The following SP100 variants were observed in gnomAD, a reference collection of about 807,000 sequenced individuals.
SP100 encodes the protein SP100 nuclear body protein, also known as nuclear autoantigen Sp-100.
Under a neutral mutation model 130.0 loss-of-function variants are expected in SP100, and 84 were observed. The ratio of observed to expected loss-of-function variants is 0.65; its 90% CI spans 0.54 to 0.77. The LOEUF is 0.77. Ranked by LOEUF, SP100 falls within the 30% of genes least tolerant of loss-of-function variation. SP100 has a pLI of 0.00. For synonymous variants in SP100, 331 were observed against 351.7 expected, an observed-to-expected ratio of 0.94 and a Z score of 0.66; for missense variants, 978 against 1,052.2, an observed-to-expected ratio of 0.93 and a Z score of 0.97.
At chr2:230,433,055 A>G (rs2063144164) in intron 2 of SP100, among the ~76,000 whole-genome samples, 1 of 152,202 alleles carries the variant, frequency 6.6e-6, no homozygotes, top group African/African-American at 2.4e-5. Flanking sequence ...ATTTCAAAAC[A>G]GTGAAAGCAG....
At chr2:230,461,206 T>C (rs2064603357) in intron 8 of SP100, 56 bp from the exon 9 acceptor site, 1 of 1,518,686 alleles carries the variant, frequency 6.6e-7, no homozygotes, top group Non-Finnish European at 9.1e-7. Flanking sequence ...TTATTAATGA[T>C]AGTGAAGGAG....
intron 18 of SP100, among the ~76,000 whole-genome samples, chr2:230,496,667 C>T (rs750862919): frequency 6.6e-6 from 1 of 152,194 alleles, no homozygotes; most frequent in Non-Finnish European, 1.5e-5. Flanking sequence ...GTGAGTTCTT[C>T]AGAGACACTC....
chr2:230,425,301 C>A (rs1030948490), intron 2 of SP100, among the ~76,000 whole-genome samples: 1 of 151,962 alleles, frequency 6.6e-6, no homozygotes, highest in Non-Finnish European at 1.5e-5. Flanking sequence ...TTTCCCCATT[C>A]CTCCGACTTC....
At chr2:230,542,150 C>A in intron 28 of SP100, 115 bp downstream of exon 28, 1 of 1,101,280 alleles carries the variant, frequency 9.1e-7, no homozygotes, top group Non-Finnish European at 1.3e-6. Flanking sequence ...ATATGACAAG[C>A]CCATACAAGT....
At chr2:230,532,675 A>C (rs1691754818) in intron 24 of SP100, among the ~76,000 whole-genome samples, 1 of 152,208 alleles carries the variant, frequency 6.6e-6, no homozygotes, top group Non-Finnish European at 1.5e-5. Context: ...AAAGTTACCT[A>C]ATCAGTTGTC....
intron 3 of SP100, among the ~76,000 whole-genome samples, chr2:230,443,451 T>C (rs911606682): frequency 6.6e-6 from 1 of 152,224 alleles, no homozygotes; most frequent in Non-Finnish European, 1.5e-5. Context: ...TTAAAAATAA[T>C]TTTAATGAAG....
At chr2:230,518,372 TATTA>T (rs1691022334) in intron 24 of SP100, among the ~76,000 whole-genome samples, 1 of 151,846 alleles carries the variant, frequency 6.6e-6, no homozygotes, top group South Asian at 2.1e-4. Flanking sequence ...GAATTATATA[TATTA>T]ATTAGAATGT....
rs527245223 is a variant in SP100 at position 230,542,956 on chromosome 2, T to A, written c.*10T>A. 2 of 1,416,540 alleles carry A rather than the reference T, an allele frequency of 1.4e-6. No individual in the cohort carries two copies. Among genetic ancestry groups the A allele is most frequent in the Non-Finnish European group, 2.0e-6 (2 of 1,002,042 alleles). 87.7% of individuals were successfully genotyped at this position (1,416,540 alleles called of 1,614,324 possible). On this transcript the variant is annotated 3_prime_UTR_variant, in exon 29 of 29. Transcript: ENST00000340126. ...TATAATGTTTATTTAGCCATTCTTA[T>A]CTCCTCCCTTCAGATCCTCTGGCAG...
At chr2:230,502,263 T>G (rs1239128438) in intron 19 of SP100, among the ~76,000 whole-genome samples, 1 of 152,166 alleles carries the variant, frequency 6.6e-6, no homozygotes, top group South Asian at 2.1e-4. Flanking sequence ...TTCTACAAGT[T>G]CCTCTTGAAT....
chr2:230,451,919 T>C (rs992322330), intron 8 of SP100, among the ~76,000 whole-genome samples: 2 of 152,242 alleles, frequency 1.3e-5, no homozygotes, highest in African/African-American at 4.8e-5. Context: ...CATTGCATAT[T>C]CTTGGCACCT....
chr2:230,476,343 G>T (rs1057240989), intron 17 of SP100, among the ~76,000 whole-genome samples: 1 of 152,092 alleles, frequency 6.6e-6, no homozygotes. Flanking sequence ...CAGCTAGAAC[G>T]TTTTTAGTGT....
Position 230,473,333 on chromosome 2 carries a change from C to T in SP100, c.1439C>T (p.Pro480Leu). The T allele has an allele frequency of 6.2e-7, 1 of 1,611,498 alleles. No homozygotes were observed. The highest frequency in any genetic ancestry group is 8.5e-7 in the Non-Finnish European group (1 of 1,178,084). Residue 480 changes from proline to leucine, a missense_variant, in exon 16 of 29, where the codon CCA becomes CTA. By Grantham distance (98) the Pro-to-Leu change is moderately conservative (BLOSUM62 -3). Transcript: ENST00000340126. ...SSLRRGSGSQ[P>L]QEPENKKCSC... is the part of the protein sequence containing the mutation. ...ACAAATCACAATTTAGGATCACAGCCACAAGAACCTGAAAATAAGAAGTGC... is the reference window on the plus strand; with the variant it reads ...ACAAATCACAATTTAGGATCACAGCTACAAGAACCTGAAAATAAGAAGTGC...
intron 24 of SP100, 26 bp from the exon 25 acceptor site, chr2:230,539,241 G>A (rs746313172): frequency 1.3e-5 from 19 of 1,459,838 alleles, no homozygotes; most frequent in East Asian, 4.5e-5. Context: ...CACTGATCCC[G>A]GTGATGTCTA....
At chr2:230,482,759 C>T (rs2065893875) in intron 17 of SP100, among the ~76,000 whole-genome samples, 1 of 151,826 alleles carries the variant, frequency 6.6e-6, no homozygotes, top group Admixed American at 6.6e-5. Flanking sequence ...CCTATCTATT[C>T]TGCATCAATA....
chr2:230,450,220 G>A lies in SP100; in HGVS notation c.785G>A (p.Arg262Lys). The A allele has an allele frequency of 1.2e-6, 2 of 1,613,912 alleles. No homozygotes were observed. Among genetic ancestry groups the A allele is most frequent in the East Asian group, 2.2e-5 (1 of 44,872 alleles). Residue 262 changes from arginine to lysine, a missense_variant, in exon 8 of 29, where the codon AGG becomes AAG. By Grantham distance (26) the Arg-to-Lys change is conservative. Coordinates refer to ENST00000340126, the MANE Select transcript of SP100 (RefSeq NM_001080391.2). ...AVQVNNGDAG[R>K]EMPCPLPCDE... ...CAAGTGAATAATGGGGATGCTGGAA[G>A]GGAGATGCCCTGCCCGTTGCCCTGT...
intron 2 of SP100, among the ~76,000 whole-genome samples, chr2:230,438,356 G>T (rs572824865): frequency 7.2e-5 from 11 of 152,086 alleles, no homozygotes; most frequent in African/African-American, 2.4e-4. Flanking sequence ...TGATTTCTGA[G>T]ATTTTGGTGC....
At chr2:230,464,889 T>A (rs905066655) in intron 11 of SP100, among the ~76,000 whole-genome samples, 10 of 151,928 alleles carry the variant, frequency 6.6e-5, no homozygotes, top group African/African-American at 2.4e-4. Context: ...GCTCAGGAGT[T>A]GAGATCAGCC....
At chr2:230,426,065 T>C (rs1353211053) in intron 2 of SP100, among the ~76,000 whole-genome samples, 1 of 152,184 alleles carries the variant, frequency 6.6e-6, no homozygotes, top group African/African-American at 2.4e-5. Context: ...CTCACGATTC[T>C]TTGCATTATC....
chr2:230,438,031 A>G (rs2063346826), intron 2 of SP100, among the ~76,000 whole-genome samples: 1 of 152,180 alleles, frequency 6.6e-6, no homozygotes, highest in Non-Finnish European at 1.5e-5. Context: ...TTGATTTGAC[A>G]TTAAATGGGA....
Sources: allele counts gnomAD v4.1 joint callset (sites outside exome capture counted in the v4.1 genomes callset), GRCh38; gene constraint gnomAD v4.1.1; transcripts MANE v1.5; gene names NCBI Gene and HGNC (gene_info 2026-07-23, HGNC 2026-07-21).